Variants in STARD7 observed in about 807,000 individuals in gnomAD.
STARD7 encodes stAR-related lipid transfer protein 7, mitochondrial.
Under a neutral mutation model 45.3 loss-of-function variants are expected in STARD7, and 30 were observed. The observed-to-expected ratio is 0.66, with a 90% CI of 0.50 to 0.90. The LOEUF (loss-of-function observed/expected upper bound fraction) is 0.90, where lower values mean the gene tolerates loss of function less well. Among genes scored for constraint, STARD7 ranks in the 40% least tolerant of loss-of-function variants. The pLI is 0.00. For missense variants in STARD7, 495 were observed against 491.3 expected, an observed-to-expected ratio of 1.01 and a Z score of -0.07; for synonymous variants, 199 against 183.0, an observed-to-expected ratio of 1.09 and a Z score of -0.70.
chr2:96,187,024 T>C, intron 7 of STARD7, 110 bp from the exon 8 acceptor site: 1 of 1,092,098 alleles, frequency 9.2e-7, no homozygotes, highest in Non-Finnish European at 1.3e-6. Context: ...CTTATAAAGA[T>C]CACAACCTGA....
rs569593845 is a variant in STARD7, at chr2:96,195,693, T to C, written c.291-144A>G. The stretch of plus-strand genomic sequence containing the variant: ...AGGACACAGTATAGTCAATAAAAAC[T>C]GAGTTCCTGAGTTTGAATCTTAGTC... On this transcript the variant is annotated intron_variant, in intron 1 of 7. Coordinates refer to ENST00000337288, the MANE Select transcript of STARD7 (RefSeq NM_020151.4). The C allele has an allele frequency of 1.1e-5, 7 of 617,344 alleles. No individual in the cohort carries two copies. In the South Asian group the frequency reaches 1.4e-4, roughly 13 times the overall value. The allele number at this position is 617,344 out of a possible 1,614,324, so 38.2% of individuals were successfully genotyped here. A position where few individuals can be genotyped will look rare whatever the true frequency, so the allele number is the denominator to read the frequency against.
At chr2:96,189,103 C>T (rs1683084303) in intron 6 of STARD7, among the ~76,000 whole-genome samples, 1 of 152,036 alleles carries the variant, frequency 6.6e-6, no homozygotes, top group South Asian at 2.1e-4. Flanking sequence ...GCATGCACTA[C>T]CACCACAACT....
Position 96,186,870 on chromosome 2 carries a change from C to T in STARD7, c.973G>A (p.Ala325Thr). The T allele has an allele frequency of 6.2e-7, 1 of 1,613,834 alleles. No individual in the cohort carries two copies. The highest frequency in any genetic ancestry group is 1.7e-4 in the Middle Eastern group (1 of 6,060). ...TTTACTTTAATCTCCATATTCTTGGCTTTCAGAGTGGCCATGTGCAGCTTC... is the reference window on the plus strand; with the variant it reads ...TTTACTTTAATCTCCATATTCTTGGTTTTCAGAGTGGCCATGTGCAGCTTC... ...LEKLHMATLK[A>T]KNMEIKVKDY... is the part of the protein sequence containing the mutation. Residue 325 changes from alanine (A) to threonine (T), a missense_variant, in exon 8 of 8, where the codon GCC becomes ACC. Physicochemically the swap from Ala to Thr is moderately conservative, Grantham distance 58. Transcript: ENST00000337288.
Position 96,208,671 on chromosome 2 carries a change from G to C in STARD7, c.-237C>G, listed in dbSNP as rs1683451990. 1 of 453,284 alleles carries C rather than the reference G, an allele frequency of 2.2e-6. No homozygotes were observed. Among genetic ancestry groups the C allele is most frequent in the Non-Finnish European group, 3.9e-6 (1 of 259,222 alleles). The allele number at this position is 453,284 out of a possible 1,614,324, so 28.1% of individuals were successfully genotyped here. A position where few individuals can be genotyped will look rare whatever the true frequency, so the allele number is the denominator to read the frequency against. On this transcript the variant is annotated 5_prime_UTR_variant, in exon 1 of 8. Transcript: ENST00000337288. ...GATGGCTCCGCGACTGCTACACCAG[G>C]CACTCCTGGGCCCGGGCAGCAGACC...
chr2:96,187,435 G>A lies in STARD7; in HGVS notation c.844-134C>T, dbSNP rs1049586305. Reference sequence around the variant, plus strand: ...TTCTTTTTTCACCCTGTGCAGAAAAGAGTTAACACTGAAGGCCTGAGAGAC... The same window carrying A: ...TTCTTTTTTCACCCTGTGCAGAAAAAAGTTAACACTGAAGGCCTGAGAGAC... On this transcript the variant is annotated intron_variant, in intron 6 of 7. Coordinates refer to ENST00000337288, the MANE Select transcript of STARD7 (RefSeq NM_020151.4). 11 of 626,792 alleles carry A rather than the reference G, an allele frequency of 1.8e-5. No individual in the cohort carries two copies. In the African/African-American group the frequency reaches 2.0e-4, roughly 12 times the overall value. 38.8% of individuals were successfully genotyped at this position (626,792 alleles called of 1,614,324 possible).
intron 1 of STARD7, among the ~76,000 whole-genome samples, chr2:96,204,492 T>C (rs1176537144): frequency 6.8e-6 from 1 of 148,060 alleles, no homozygotes; most frequent in Non-Finnish European, 1.5e-5. Flanking sequence ...GAGGCGGAGG[T>C]TGCAGTGAGC....
chr2:96,198,582 C>T (rs540523845), intron 1 of STARD7, among the ~76,000 whole-genome samples: 1 of 152,334 alleles, frequency 6.6e-6, no homozygotes, highest in East Asian at 1.9e-4. Context: ...GTTATTCCAG[C>T]CAACTTAGTG....
At chr2:96,195,219 A>C in intron 2 of STARD7, 122 bp downstream of exon 2, 1 of 964,738 alleles carries the variant, frequency 1.0e-6, no homozygotes, top group South Asian at 1.7e-5. Context: ...GAAAAACAAT[A>C]AACAAAAAAC....
Position 96,208,617 on chromosome 2 carries a change from G to A in STARD7, c.-183C>T, listed in dbSNP as rs1387639796. The A allele has an allele frequency of 8.0e-6, 4 of 503,018 alleles. No individual in the cohort carries two copies. The highest frequency in any genetic ancestry group is 1.3e-5 in the Non-Finnish European group (4 of 298,212). 31.2% of individuals were successfully genotyped at this position (503,018 alleles called of 1,614,324 possible). A position where few individuals can be genotyped will look rare whatever the true frequency, so the allele number is the denominator to read the frequency against. On this transcript the variant is annotated 5_prime_UTR_variant, in exon 1 of 8. Coordinates refer to ENST00000337288, the MANE Select transcript of STARD7 (RefSeq NM_020151.4). ...CGCTGAGGAAGAGTCTCCTCTGAGG[G>A]GAGAGTCGGTCATGGCAGCAGACGC...
At chr2:96,194,474 T>C (rs964744465) in intron 3 of STARD7, among the ~76,000 whole-genome samples, 5 of 152,122 alleles carry the variant, frequency 3.3e-5, no homozygotes, top group African/African-American at 1.2e-4. Context: ...ATAAAGGACA[T>C]TGAGTCAACT....
chr2:96,206,691 C>G (rs571893032), intron 1 of STARD7, among the ~76,000 whole-genome samples: 227 of 151,212 alleles, frequency 1.5e-3, no homozygotes, highest in Non-Finnish European at 2.9e-3. Flanking sequence ...GTCCCAGCTA[C>G]TCGGGAGGCT....
At chr2:96,206,617 G>A (rs866560046) in intron 1 of STARD7, among the ~76,000 whole-genome samples, 4 of 151,850 alleles carry the variant, frequency 2.6e-5, no homozygotes, top group Admixed American at 6.6e-5. Context: ...TGGCTAACAC[G>A]GTGAAACCCC....
intron 1 of STARD7, among the ~76,000 whole-genome samples, chr2:96,200,261 T>A (rs1193896800): frequency 6.6e-6 from 1 of 152,124 alleles, no homozygotes; most frequent in East Asian, 1.9e-4. Context: ...GTATTTTTAG[T>A]AGAGATGGGG....
chr2:96,197,121 T>TA (rs1182018636), intron 1 of STARD7, among the ~76,000 whole-genome samples: 2 of 136,470 alleles, frequency 1.5e-5, no homozygotes, highest in African/African-American at 2.7e-5. Context: ...TAAAATAAAA[T>TA]AAAGCCAAGC....
rs559675985 is a variant in STARD7, at chr2:96,205,283, C to A, written c.290+2862G>T. ...ATAAGACGCTATTTGGTAAGATGTT[C>A]TTAAGCACAAAAGACGAGAAGACAA... On this transcript the variant is annotated intron_variant, in intron 1 of 7. Transcript: ENST00000337288. Among the ~76,000 whole-genome samples, 4 of 152,312 alleles carry A rather than the reference C, an allele frequency of 2.6e-5. No individual in the cohort carries two copies. In the East Asian group the frequency reaches 7.7e-4, roughly 29 times the overall value.
At chr2:96,205,553 C>A (rs1313187874) in intron 1 of STARD7, among the ~76,000 whole-genome samples, 2 of 152,202 alleles carry the variant, frequency 1.3e-5, no homozygotes, top group African/African-American at 4.8e-5. Flanking sequence ...GCACTTGAGA[C>A]ACACTCCAAC....
chr2:96,193,601 G>A (rs1683159954), intron 3 of STARD7, among the ~76,000 whole-genome samples: 1 of 152,178 alleles, frequency 6.6e-6, no homozygotes, highest in Non-Finnish European at 1.5e-5. Flanking sequence ...AAGGAAAAGT[G>A]TAACAAAATA....
chr2:96,201,670 C>A (rs1038327550), intron 1 of STARD7, among the ~76,000 whole-genome samples: 4 of 151,754 alleles, frequency 2.6e-5, no homozygotes, highest in Non-Finnish European at 5.9e-5. Context: ...TGGTGGCCTG[C>A]GCCTGTAATC....
chr2:96,198,309 C>CAAA (rs1217050953), intron 1 of STARD7, among the ~76,000 whole-genome samples: 2 of 143,280 alleles, frequency 1.4e-5, no homozygotes, highest in Non-Finnish European at 3.0e-5. Flanking sequence ...GGCGAAAAGA[C>CAAA]AAAACTGTCT....
Sources: gnomAD v4.1 joint callset for allele counts (sites outside exome capture counted in the v4.1 genomes callset) on GRCh38, gnomAD v4.1.1 for gene constraint, MANE v1.5 for transcripts, NCBI Gene and HGNC (gene_info 2026-07-23, HGNC 2026-07-21) for gene names.